COL5A1: variants seen among roughly 807,000 people sequenced by gnomAD.
COL5A1 encodes the protein collagen type V alpha 1 chain.
A neutral mutation model predicts 263.7 loss-of-function variants in COL5A1; 16 were observed. The ratio of observed to expected loss-of-function variants is 0.06; its 90% CI spans 0.04 to 0.09. The LOEUF (loss-of-function observed/expected upper bound fraction) is 0.09. Among genes scored for constraint, COL5A1 ranks in the 10% least tolerant of loss-of-function variants. The probability of loss-of-function intolerance (pLI) is 1.00; values close to 1 mark genes in which losing one functional copy is unlikely to be tolerated. For synonymous variants in COL5A1, 1,012 were observed against 1,004.5 expected, an observed-to-expected ratio of 1.01 and a Z score of -0.14; for missense variants, 2,036 against 2,540.5, an observed-to-expected ratio of 0.80 and a Z score of 4.27.
intron 29 of COL5A1, among the ~76,000 whole-genome samples, chr9:134,783,659 G>T (rs1407596325): frequency 2.6e-5 from 4 of 152,146 alleles, no homozygotes; most frequent in Admixed American, 2.6e-4. Flanking sequence ...CGGCTCGCAG[G>T]TGGCTTTCCA....
chr9:134,776,882 C>T (rs1443040226), intron 27 of COL5A1, among the ~76,000 whole-genome samples: 1 of 152,138 alleles, frequency 6.6e-6, no homozygotes, highest in Non-Finnish European at 1.5e-5. Flanking sequence ...TCACTGTGTC[C>T]ACACATAGCA....
intron 1 of COL5A1, among the ~76,000 whole-genome samples, chr9:134,689,977 C>T (rs1424092347): frequency 1.3e-5 from 2 of 152,174 alleles, no homozygotes; most frequent in South Asian, 2.1e-4. Context: ...CCTGGATTCG[C>T]GCCTTGTGGT....
chr9:134,699,814 C>A lies in COL5A1; in HGVS notation c.278-95C>A. The A allele has an allele frequency of 4.0e-6, 5 of 1,249,704 alleles. No homozygotes were observed. The Admixed American group carries it at 8.6e-5, about 21-fold the overall frequency. The allele number at this position is 1,249,704 out of a possible 1,614,324, so 77.4% of individuals were successfully genotyped here. A position where few individuals can be genotyped will look rare whatever the true frequency, so the allele number is the denominator to read the frequency against. ...GCCCCACGACGGGCAGCACAGCTTC[C>A]CAGGGTCCCGGGCTGGCTTGTTTGC... is the stretch of plus-strand genomic sequence containing the variant. On this transcript the variant is annotated intron_variant, in intron 2 of 65. Transcript: ENST00000371817.
intron 62 of COL5A1, among the ~76,000 whole-genome samples, chr9:134,825,304 T>C (rs1839220003): frequency 6.6e-6 from 1 of 152,170 alleles, no homozygotes; most frequent in South Asian, 2.1e-4. Context: ...AACTCCGCGA[T>C]ACTGTAAAAA....
chr9:134,811,566 C>T lies in COL5A1; in HGVS notation c.3657C>T (p.Gly1219=). ...AGAAAGGTGATGAAGGTCCCAGAGGCTTTCCTGGACCCCCTGGGCCAGTGG... is the reference window on the plus strand; with the variant it reads ...AGAAAGGTGATGAAGGTCCCAGAGGTTTTCCTGGACCCCCTGGGCCAGTGG... The part of the protein sequence containing the change: ...FGQKGDEGPR[G]FPGPPGPVGL... Residue 1219 remains glycine (G), a synonymous_variant, in exon 46 of 66, where the codon GGC becomes GGT. Coordinates refer to ENST00000371817, the MANE Select transcript of COL5A1 (RefSeq NM_000093.5). 1 of 1,567,770 alleles carries T rather than the reference C, an allele frequency of 6.4e-7. No homozygotes were observed. The highest frequency in any genetic ancestry group is 1.2e-5 in the South Asian group (1 of 86,676).
At chr9:134,648,773 A>C (rs1050048363) in intron 1 of COL5A1, among the ~76,000 whole-genome samples, 1 of 152,114 alleles carries the variant, frequency 6.6e-6, no homozygotes, top group African/African-American at 2.4e-5. Context: ...GGTACGCAGG[A>C]GAAAAGGTAA....
At chr9:134,704,705 G>A (rs1253132686) in intron 4 of COL5A1, among the ~76,000 whole-genome samples, 1 of 152,144 alleles carries the variant, frequency 6.6e-6, no homozygotes, top group Non-Finnish European at 1.5e-5. Context: ...CTGGCTGTTA[G>A]CTGTGCTCAC....
intron 35 of COL5A1, 65 bp from the exon 36 acceptor site, chr9:134,796,782 AG>A: frequency 6.9e-7 from 1 of 1,451,216 alleles, no homozygotes; most frequent in Admixed American, 1.7e-5. Context: ...CGGCACAGGC[AG>A]GTCAGCGGCA....
intron 30 of COL5A1, 37 bp from the exon 31 acceptor site, chr9:134,785,958 C>T: frequency 1.3e-6 from 2 of 1,578,978 alleles, no homozygotes; most frequent in Non-Finnish European, 1.7e-6. Context: ...TGGAGCAATA[C>T]CGTGCTGGCC....
chr9:134,809,614 C>T (rs1046645095), intron 43 of COL5A1, among the ~76,000 whole-genome samples: 2 of 152,206 alleles, frequency 1.3e-5, no homozygotes, highest in Non-Finnish European at 2.9e-5. Context: ...TTTCAAATTC[C>T]GAAACTGCGG....
intron 1 of COL5A1, among the ~76,000 whole-genome samples, chr9:134,655,870 C>T (rs891687922): frequency 3.3e-5 from 5 of 152,202 alleles, no homozygotes; most frequent in Non-Finnish European, 2.9e-5. Context: ...CTCCCCTGTC[C>T]TGCCCTCCTT....
Position 134,731,578 on chromosome 9 carries a change from A to G in COL5A1, c.1247A>G (p.Tyr416Cys). The G allele has an allele frequency of 6.2e-7, 1 of 1,614,080 alleles. No individual in the cohort carries two copies. The highest frequency in any genetic ancestry group is 8.5e-7 in the Non-Finnish European group (1 of 1,179,962). Residue 416 changes from tyrosine (Y) to cysteine (C), a missense_variant, in exon 8 of 66, where the codon TAC (tyrosine) becomes TGC (cysteine). By Grantham distance (194) the Tyr-to-Cys change is radical. Around this residue, in one of 3 missense-constraint regions of COL5A1, gnomAD observed 600 missense variants for 634.5 expected, o/e 0.95. Coordinates refer to ENST00000371817, the MANE Select transcript of COL5A1 (RefSeq NM_000093.5). ...EETIRNLDEN[Y>C]YDPYYDPTSS... The stretch of plus-strand genomic sequence containing the variant: ...ACGATCCGGAACCTTGACGAGAACT[A>G]CTACGACCCCTACTACGACCCCACC...
chr9:134,767,893 G>C (rs138889416), intron 24 of COL5A1, among the ~76,000 whole-genome samples: 2,266 of 152,346 alleles, frequency 0.015, 59 homozygotes, highest in African/African-American at 0.051. Context: ...CTGGTTCTGA[G>C]TGCATGAGAA....
rs116213606 is a variant in COL5A1 at position 134,808,663 on chromosome 9, C to T, written c.3367-520C>T. Among the ~76,000 whole-genome samples, 887 of 152,218 alleles carry T rather than the reference C, an allele frequency of 5.8e-3. 14 individuals carry two copies. The highest frequency in any genetic ancestry group is 0.02 in the African/African-American group (832 of 41,522). Reference sequence around the variant, plus strand: ...ATGCATGCATACCTGTGTACATAGGCGTGTTCACATGTGTGCATGTATGCA... The same window carrying T: ...ATGCATGCATACCTGTGTACATAGGTGTGTTCACATGTGTGCATGTATGCA... On this transcript the variant is annotated intron_variant, in intron 42 of 65. Coordinates refer to ENST00000371817, the MANE Select transcript of COL5A1 (RefSeq NM_000093.5).
At chr9:134,699,333 C>A (rs12380678) in intron 2 of COL5A1, among the ~76,000 whole-genome samples, 4 of 152,312 alleles carry the variant, frequency 2.6e-5, no homozygotes, top group Non-Finnish European at 4.4e-5. Context: ...GGATTAAATT[C>A]TTTTGATGAA....
Position 134,644,590 on chromosome 9 carries a change from G to C in COL5A1, c.109+2294G>C, listed in dbSNP as rs868033045. 2.1e-4 allele frequency among the ~76,000 whole-genome samples: 15 copies of C among 70,820 alleles called. 1 individual carries two copies. The highest frequency in any genetic ancestry group is 1.2e-3 in the South Asian group (4 of 3,258). The allele number at this position is 70,820 out of a possible 152,430, so 46.5% of individuals were successfully genotyped here. On this transcript the variant is annotated intron_variant, in intron 1 of 65. Transcript: ENST00000371817. ...GGCTGTCCACTGGAGAGGCAGGCGC[G>C]GGGGGGAGCCACCAGCAAGTGCCTG...
Position 134,650,150 on chromosome 9 carries a change from G to A in COL5A1, c.109+7854G>A, listed in dbSNP as rs184224157. 3.2e-3 allele frequency among the ~76,000 whole-genome samples: 486 copies of A among 152,242 alleles called. 4 individuals carry two copies. Among genetic ancestry groups the A allele is most frequent in the Non-Finnish European group, 4.7e-3 (318 of 68,022 alleles). The stretch of plus-strand genomic sequence containing the variant: ...GTATACCTGTGTAACAAACCTGTGC[G>A]TTCTGTACATGTATCCCAGAACTTA... On this transcript the variant is annotated intron_variant, in intron 1 of 65. Coordinates refer to ENST00000371817, the MANE Select transcript of COL5A1 (RefSeq NM_000093.5).
chr9:134,778,517 G>T (rs1588538119), intron 27 of COL5A1, among the ~76,000 whole-genome samples: 1 of 152,232 alleles, frequency 6.6e-6, no homozygotes, highest in South Asian at 2.1e-4. Flanking sequence ...CGTAGGAGAG[G>T]CTTGTTTGGA....
intron 63 of COL5A1, among the ~76,000 whole-genome samples, chr9:134,829,600 C>A (rs1326041761): frequency 7.8e-6 from 1 of 127,644 alleles, no homozygotes; most frequent in African/African-American, 2.9e-5. Context: ...CCCTAAGGGC[C>A]GGGGCCAGGC....
Sources: allele counts gnomAD v4.1 joint callset (sites outside exome capture counted in the v4.1 genomes callset), GRCh38; gene constraint gnomAD v4.1.1; regional missense constraint gnomAD v4.1.1; transcripts MANE v1.5; gene names NCBI Gene and HGNC (gene_info 2026-07-23, HGNC 2026-07-21).